KCNIP4: variants seen among roughly 807,000 people sequenced by gnomAD.
The protein encoded by KCNIP4 is potassium voltage-gated channel interacting protein 4.
In KCNIP4, 12 loss-of-function variants were observed where a neutral mutation model predicts 34.0. The ratio of observed to expected loss-of-function variants is 0.35; its 90% CI spans 0.23 to 0.57. The LOEUF is 0.57. Among genes scored for constraint, KCNIP4 ranks in the 20% least tolerant of loss-of-function variants. KCNIP4 has a pLI of 0.83. For synonymous variants in KCNIP4, 124 were observed against 102.2 expected (o/e 1.21, Z -1.29); for missense variants, 238 against 311.7 (o/e 0.76, Z 1.78).
chr4:21,360,109 G>A (rs1719062009), intron 1 of KCNIP4, among the ~76,000 whole-genome samples: 2 of 151,970 alleles, frequency 1.3e-5, no homozygotes, highest in Admixed American at 6.6e-5. Flanking sequence ...TTAAACTGTT[G>A]TTTCAGAATT....
chr4:20,841,390 G>A (rs73242516), intron 3 of KCNIP4, among the ~76,000 whole-genome samples: 10,260 of 152,176 alleles, frequency 0.067, 471 homozygotes, highest in Non-Finnish European at 0.1. Context: ...AAGCAAAGAG[G>A]AAACCCAAAA....
At chr4:21,395,449 G>A (rs570988735) in intron 1 of KCNIP4, among the ~76,000 whole-genome samples, 8 of 151,704 alleles carry the variant, frequency 5.3e-5, no homozygotes, top group Middle Eastern at 3.4e-3. Flanking sequence ...CTTTCCTTTA[G>A]TAACTTAGGT....
Position 21,528,784 on chromosome 4 carries a change from AAAGGAAGAAAGG to A in KCNIP4, c.61+419775_61+419786del, listed in dbSNP as rs1736358672. 6.5e-4 allele frequency among the ~76,000 whole-genome samples: 11 copies of A among 16,868 alleles called. 4 individuals carry two copies. Among genetic ancestry groups the A allele is most frequent in the African/African-American group, 1.2e-3 (5 of 4,152 alleles). The allele number at this position is 16,868 out of a possible 152,430, so 11.1% of individuals were successfully genotyped here. On this transcript the variant is annotated intron_variant, in intron 1 of 8. Coordinates refer to ENST00000382152, the MANE Select transcript of KCNIP4 (RefSeq NM_025221.6). ...GAAAGAAAGAAAGAAAGAAAGGAAG[AAAGGAAGAAAGG>A]AAGAAAGGAAGGAAGGAAGGAAGGA...
At chr4:21,446,979 A>C (rs1391132650) in intron 1 of KCNIP4, among the ~76,000 whole-genome samples, 1 of 152,014 alleles carries the variant, frequency 6.6e-6, no homozygotes, top group Non-Finnish European at 1.5e-5. Context: ...AAATAAAGCT[A>C]CTATAAACAG....
At chr4:21,157,443 C>T (rs1753223895) in intron 1 of KCNIP4, among the ~76,000 whole-genome samples, 1 of 151,810 alleles carries the variant, frequency 6.6e-6, no homozygotes, top group African/African-American at 2.4e-5. Flanking sequence ...GATTTACATT[C>T]CCATCCGAAA....
intron 1 of KCNIP4, among the ~76,000 whole-genome samples, chr4:20,985,917 C>T (rs1010779222): frequency 5.3e-5 from 8 of 152,154 alleles, no homozygotes; most frequent in Non-Finnish European, 1.2e-4. Flanking sequence ...CAATCCTAGC[C>T]TTACCCTTGC....
rs150893412 is a variant in KCNIP4, at chr4:21,816,545, G to A, written c.61+132026C>T. On this transcript the variant is annotated intron_variant, in intron 1 of 8. Coordinates refer to ENST00000382152, the MANE Select transcript of KCNIP4 (RefSeq NM_025221.6). Reference sequence around the variant, plus strand: ...GACATCCTTACAGTCAGTTGTTCACGTCTCCATTGCATTCTCTCCCTCCCT... The same window carrying A: ...GACATCCTTACAGTCAGTTGTTCACATCTCCATTGCATTCTCTCCCTCCCT... Among the ~76,000 whole-genome samples, 1,304 of 152,162 alleles carry A rather than the reference G, an allele frequency of 8.6e-3. 14 individuals carry two copies. The highest frequency in any genetic ancestry group is 0.028 in the South Asian group (135 of 4,812).
intron 1 of KCNIP4, among the ~76,000 whole-genome samples, chr4:21,788,344 C>T (rs1720047399): frequency 1.3e-5 from 2 of 152,100 alleles, no homozygotes; most frequent in Non-Finnish European, 2.9e-5. Flanking sequence ...TAACACATAG[C>T]TAAATGACAA....
intron 1 of KCNIP4, among the ~76,000 whole-genome samples, chr4:21,489,930 C>T (rs578216426): frequency 6.6e-6 from 1 of 151,342 alleles, no homozygotes; most frequent in East Asian, 1.9e-4. Context: ...ACTTTGATAA[C>T]TTTGGTGAGA....
intron 1 of KCNIP4, among the ~76,000 whole-genome samples, chr4:21,425,641 C>T (rs946584935): frequency 2.6e-5 from 4 of 152,116 alleles, no homozygotes; most frequent in African/African-American, 9.6e-5. Flanking sequence ...ATGTCATTAA[C>T]CTTTACTATA....
chr4:21,177,858 T>TTATATATA (rs3080785), intron 1 of KCNIP4, among the ~76,000 whole-genome samples: 5 of 139,316 alleles, frequency 3.6e-5, no homozygotes, highest in South Asian at 2.3e-4. Flanking sequence ...AAAAAAAAAA[T>TTATATATA]TATATATATA....
At chr4:21,288,439 C>T (rs371455473) in intron 1 of KCNIP4, among the ~76,000 whole-genome samples, 10 of 152,112 alleles carry the variant, frequency 6.6e-5, no homozygotes, top group African/African-American at 1.7e-4. Flanking sequence ...ATGGACTAAC[C>T]GCTTAGACTA....
intron 4 of KCNIP4, 35 bp downstream of exon 4, chr4:20,758,786 T>G (rs1754696810): frequency 1.1e-5 from 17 of 1,516,808 alleles, no homozygotes; most frequent in Non-Finnish European, 1.6e-5. Flanking sequence ...ATTGTAACTC[T>G]GATAGTATGT....
intron 1 of KCNIP4, among the ~76,000 whole-genome samples, chr4:20,951,353 C>T (rs1024522919): frequency 2.0e-5 from 3 of 152,110 alleles, no homozygotes; most frequent in Admixed American, 1.3e-4. Flanking sequence ...ACTGTTAATC[C>T]AGGAAATTCT....
chr4:21,049,022 C>G (rs1742692191), intron 1 of KCNIP4, among the ~76,000 whole-genome samples: 1 of 143,932 alleles, frequency 6.9e-6, no homozygotes, highest in Admixed American at 7.3e-5. Context: ...GCGATCTCGG[C>G]TCACTGCAAG....
At chr4:21,239,984 A>G (rs559287002) in intron 1 of KCNIP4, among the ~76,000 whole-genome samples, 4 of 152,112 alleles carry the variant, frequency 2.6e-5, no homozygotes, top group Non-Finnish European at 5.9e-5. Context: ...CAAATGTCCA[A>G]CAATGATAGA....
chr4:20,875,652 T>A (rs568339464), intron 2 of KCNIP4, among the ~76,000 whole-genome samples: 5 of 152,300 alleles, frequency 3.3e-5, no homozygotes, highest in African/African-American at 1.2e-4. Flanking sequence ...ACTACATGCC[T>A]AGGTCAGAGC....
chr4:21,437,515 C>A (rs111495182), intron 1 of KCNIP4, among the ~76,000 whole-genome samples: 4 of 152,302 alleles, frequency 2.6e-5, no homozygotes, highest in East Asian at 1.9e-4. Context: ...TTTGTTGAAC[C>A]TTTAGGGTTT....
At chr4:20,997,950 T>G (rs1339974350) in intron 1 of KCNIP4, among the ~76,000 whole-genome samples, 2 of 152,206 alleles carry the variant, frequency 1.3e-5, no homozygotes, top group African/African-American at 4.8e-5. Flanking sequence ...TTTGATAAAG[T>G]TGTTCTTGAG....
Sources: gnomAD v4.1 joint callset for allele counts (sites outside exome capture counted in the v4.1 genomes callset) on GRCh38, gnomAD v4.1.1 for gene constraint, MANE v1.5 for transcripts, NCBI Gene and HGNC (gene_info 2026-07-23, HGNC 2026-07-21) for gene names.